PRKG1: variants seen among roughly 807,000 people sequenced by gnomAD.
The protein encoded by PRKG1 is protein kinase cGMP-dependent 1.
A neutral mutation model predicts 88.1 loss-of-function variants in PRKG1; 35 were observed. The ratio of observed to expected loss-of-function variants is 0.40; its 90% CI spans 0.30 to 0.53. PRKG1 has a LOEUF of 0.53. Among genes scored for constraint, PRKG1 ranks in the 20% least tolerant of loss-of-function variants. PRKG1 has a pLI of 0.59. For synonymous variants in PRKG1, 303 were observed against 292.5 expected (o/e 1.04, Z -0.37); for missense variants, 540 against 839.8 (o/e 0.64, Z 4.41).
chr10:51,835,463 A>G (rs1840109083), intron 4 of PRKG1, among the ~76,000 whole-genome samples: 1 of 152,210 alleles, frequency 6.6e-6, no homozygotes, highest in Non-Finnish European at 1.5e-5. Context: ...TGCTATTAAC[A>G]GTTGTATTTG....
At chr10:51,966,869 C>T (rs1035085306) in intron 5 of PRKG1, among the ~76,000 whole-genome samples, 47 of 152,078 alleles carry the variant, frequency 3.1e-4, no homozygotes, top group Admixed American at 1.7e-3. Flanking sequence ...CATACCATCT[C>T]ATACCAGTTA....
intron 2 of PRKG1, among the ~76,000 whole-genome samples, chr10:51,234,823 G>A (rs895115435): frequency 1.3e-4 from 20 of 151,914 alleles, no homozygotes; most frequent in Non-Finnish European, 2.2e-4. Context: ...ATATTTCACC[G>A]AAAACAAACA....
chr10:51,181,037 T>C (rs1837327538), intron 2 of PRKG1, among the ~76,000 whole-genome samples: 1 of 151,994 alleles, frequency 6.6e-6, no homozygotes, highest in Non-Finnish European at 1.5e-5. Flanking sequence ...TTCTTATCAA[T>C]GATAGCATGT....
rs116776012 is a variant in PRKG1 at position 52,259,949 on chromosome 10, A to G, written c.1173+8283A>G. ...ACACAAGATAAATGTGAAATACAAG[A>G]ATCGTATGGGGGAAGAAGTTATCTT... On this transcript the variant is annotated intron_variant, in intron 10 of 17. Coordinates refer to ENST00000373980, the MANE Select transcript of PRKG1 (RefSeq NM_006258.4). Among the ~76,000 whole-genome samples, 415 of 152,164 alleles carry G rather than the reference A, an allele frequency of 2.7e-3. 1 individual carries two copies. Among genetic ancestry groups the G allele is most frequent in the African/African-American group, 9.3e-3 (385 of 41,532 alleles).
At chr10:51,247,766 A>G (rs904175952) in intron 2 of PRKG1, among the ~76,000 whole-genome samples, 2 of 151,756 alleles carry the variant, frequency 1.3e-5, no homozygotes, top group African/African-American at 4.8e-5. Context: ...TGGCCTCTAA[A>G]TTTGCTCTGA....
intron 2 of PRKG1, among the ~76,000 whole-genome samples, chr10:51,375,597 A>G (rs139720915): frequency 0.011 from 1,612 of 152,254 alleles, 13 homozygotes; most frequent in Middle Eastern, 0.021. Context: ...CAAATTAGGG[A>G]TACGCAGCCT....
chr10:51,010,579 A>T (rs1306591147), intron 1 of PRKG1, among the ~76,000 whole-genome samples: 1 of 152,254 alleles, frequency 6.6e-6, no homozygotes, highest in East Asian at 1.9e-4. Flanking sequence ...TCATGAAATA[A>T]TACTTGCTTT....
chr10:51,221,402 T>C (rs1057085917), intron 2 of PRKG1, among the ~76,000 whole-genome samples: 1 of 152,096 alleles, frequency 6.6e-6, no homozygotes, highest in Non-Finnish European at 1.5e-5. Flanking sequence ...ATATTTAAGA[T>C]GTGCACAAAT....
chr10:51,712,298 G>T (rs1841772799), intron 3 of PRKG1, among the ~76,000 whole-genome samples: 1 of 152,048 alleles, frequency 6.6e-6, no homozygotes, highest in African/African-American at 2.4e-5. Flanking sequence ...CTTGCTTCAG[G>T]GGAAGATCAG....
chr10:51,357,267 T>C (rs1323123461), intron 2 of PRKG1, among the ~76,000 whole-genome samples: 1 of 151,976 alleles, frequency 6.6e-6, no homozygotes, highest in East Asian at 1.9e-4. Flanking sequence ...ACCTAAACCC[T>C]TTGGATTAAA....
chr10:51,249,943 G>T (rs1431812321), intron 2 of PRKG1, among the ~76,000 whole-genome samples: 2 of 151,804 alleles, frequency 1.3e-5, no homozygotes, highest in African/African-American at 4.8e-5. Context: ...TAATATGTTA[G>T]ATGATGCTTC....
At chr10:51,698,674 C>A in intron 3 of PRKG1, 1 of 1,614,188 alleles carries the variant, frequency 6.2e-7, no homozygotes, top group East Asian at 2.2e-5. Context: ...CAACCCCTGG[C>A]ATTCCAAGTT....
chr10:51,420,307 A>G (rs771863372), intron 2 of PRKG1, among the ~76,000 whole-genome samples: 27 of 152,210 alleles, frequency 1.8e-4, no homozygotes, highest in Admixed American at 3.9e-4. Context: ...TCTTAAATCA[A>G]TCAGCTGGGA....
chr10:51,092,199 G>T (rs1370072166), intron 1 of PRKG1, among the ~76,000 whole-genome samples: 1 of 152,084 alleles, frequency 6.6e-6, no homozygotes, highest in African/African-American at 2.4e-5. Flanking sequence ...AGATTTGATT[G>T]ATGAAATAAA....
Position 52,163,944 on chromosome 10 carries a change from G to A in PRKG1, c.1076+1981G>A, listed in dbSNP as rs184718764. ...TCCTGGCTCTGTCATTACCAGACAA[G>A]TGATTTTGGTCATGAATATTAACGC... On this transcript the variant is annotated intron_variant, in intron 9 of 17. Coordinates refer to ENST00000373980, the MANE Select transcript of PRKG1 (RefSeq NM_006258.4). Among the ~76,000 whole-genome samples, 494 of 152,264 alleles carry A rather than the reference G, an allele frequency of 3.2e-3. 3 individuals carry two copies. The highest frequency in any genetic ancestry group is 0.011 in the African/African-American group (447 of 41,566).
intron 14 of PRKG1, among the ~76,000 whole-genome samples, chr10:52,288,476 G>A (rs1009772775): frequency 2.0e-5 from 3 of 152,084 alleles, no homozygotes; most frequent in African/African-American, 7.2e-5. Flanking sequence ...CAGCATGAGG[G>A]CTTAGACTCC....
At chr10:52,115,481 G>T (rs1014191712) in intron 7 of PRKG1, among the ~76,000 whole-genome samples, 1 of 151,958 alleles carries the variant, frequency 6.6e-6, no homozygotes, top group Non-Finnish European at 1.5e-5. Flanking sequence ...TATTTCACAG[G>T]CTGTTCCTGG....
At chr10:51,993,058 T>C (rs995188809) in intron 5 of PRKG1, among the ~76,000 whole-genome samples, 5 of 152,220 alleles carry the variant, frequency 3.3e-5, no homozygotes, top group African/African-American at 1.2e-4. Context: ...GAATGAGACA[T>C]AATATATAAT....
chr10:51,013,958 C>T lies in PRKG1; in HGVS notation c.266+22314C>T, dbSNP rs527404401. ...CTTCTGGGTTAAAAAAATATATAAA[C>T]AGCCATAATAATATGCAGGAAAGAA... On this transcript the variant is annotated intron_variant, in intron 1 of 17. Transcript: ENST00000401604. Among the ~76,000 whole-genome samples, 703 of 152,168 alleles carry T rather than the reference C, an allele frequency of 4.6e-3. 5 individuals carry two copies. Among genetic ancestry groups the T allele is most frequent in the African/African-American group, 0.016 (680 of 41,524 alleles).
Sources: allele counts gnomAD v4.1 joint callset (sites outside exome capture counted in the v4.1 genomes callset), GRCh38; gene constraint gnomAD v4.1.1; transcripts MANE v1.5; gene names NCBI Gene and HGNC (gene_info 2026-07-23, HGNC 2026-07-21).